Variants in CTCFL observed in about 807,000 individuals in gnomAD.
CTCFL encodes CCCTC-binding factor like.
Under a neutral mutation model 67.4 loss-of-function variants are expected in CTCFL, and 36 were observed. The observed-to-expected ratio is 0.53, with a 90% CI of 0.41 to 0.71. The LOEUF is 0.71. Ranked by LOEUF, CTCFL falls within the 30% of genes least tolerant of loss-of-function variation. The probability of loss-of-function intolerance (pLI) is 0.00; values close to 1 mark genes in which losing one functional copy is unlikely to be tolerated. For synonymous variants in CTCFL, 324 were observed against 302.3 expected, an observed-to-expected ratio of 1.07 and a Z score of -0.75; for missense variants, 786 against 835.2, an observed-to-expected ratio of 0.94 and a Z score of 0.73.
chr20:57,514,812 T>C, intron 6 of CTCFL, 71 bp from the exon 7 acceptor site: 1 of 1,432,238 alleles, frequency 7.0e-7, no homozygotes, highest in Non-Finnish European at 9.2e-7. Flanking sequence ...GTGCTGAAAG[T>C]GTTTTTTTTT....
chr20:57,500,265 G>C, intron 10 of CTCFL: 2 of 949,986 alleles, frequency 2.1e-6, no homozygotes, highest in Non-Finnish European at 1.4e-6. Flanking sequence ...AGGAGTGAGA[G>C]ACATGGTAAA....
At chr20:57,505,211 T>A (rs915226614) in intron 9 of CTCFL, among the ~76,000 whole-genome samples, 1 of 149,082 alleles carries the variant, frequency 6.7e-6, no homozygotes, top group East Asian at 1.9e-4. Flanking sequence ...GCTTTAAGTA[T>A]TTTTTTTTAA....
At position 57,524,005 on chromosome 20, in the gene CTCFL, C is replaced by A; in HGVS notation, c.201G>T (p.Leu67=). The change falls in exon 2 of 11, where the codon CTG becomes CTT. Residue 67 remains leucine, a synonymous_variant. Coordinates refer to ENST00000243914, the MANE Select transcript of CTCFL (RefSeq NM_001386993.1). ...CGCTCTCCTCCGAGGGGGCCAGCAC[C>A]AGCTCCACTTCTTCCTCCAGGACGC... ...QDSVLEEEVE[L]VLAPSEESEK... 8 of 1,613,264 alleles carry A rather than the reference C, an allele frequency of 5.0e-6. No individual in the cohort carries two copies. The highest frequency in any genetic ancestry group is 5.9e-6 in the Non-Finnish European group (7 of 1,179,986).
chr20:57,524,703 G>T, intron 1 of CTCFL: 1 of 997,204 alleles, frequency 1.0e-6, no homozygotes, highest in Non-Finnish European at 1.2e-6. Flanking sequence ...GCGAGGTTCG[G>T]GCCCGAGCAG....
rs915943311 is a variant in CTCFL at position 57,506,747 on chromosome 20, C to T, written c.1674+1859G>A. 14 of 975,778 alleles carry T rather than the reference C, an allele frequency of 1.4e-5. No homozygotes were observed. The Admixed American group carries it at 6.2e-4, about 43-fold the overall frequency. The allele number at this position is 975,778 out of a possible 1,614,324, so 60.4% of individuals were successfully genotyped here. Reference sequence around the variant, plus strand: ...GTTCTGAGGGACTGCATGAGGCAGACTTGTTCTTTTCTCTACATTTTTATT... The same window carrying T: ...GTTCTGAGGGACTGCATGAGGCAGATTTGTTCTTTTCTCTACATTTTTATT... On this transcript the variant is annotated intron_variant, in intron 9 of 10. Coordinates refer to ENST00000243914, the MANE Select transcript of CTCFL (RefSeq NM_001386993.1).
intron 2 of CTCFL, 102 bp downstream of exon 2, chr20:57,523,561 T>C: frequency 3.4e-6 from 5 of 1,473,954 alleles, no homozygotes; most frequent in Non-Finnish European, 4.5e-6. Flanking sequence ...CTGTCTTTAA[T>C]TTGCAACTGC....
chr20:57,514,882 G>A, intron 6 of CTCFL, 141 bp from the exon 7 acceptor site: 1 of 814,108 alleles, frequency 1.2e-6, no homozygotes, highest in East Asian at 2.6e-5. Context: ...ATTAGTATGA[G>A]ACTCCCAAAT....
At chr20:57,512,566 T>G (rs370788160) in intron 8 of CTCFL, 26 bp downstream of exon 8, 2 of 1,608,900 alleles carry the variant, frequency 1.2e-6, no homozygotes, top group African/African-American at 2.7e-5. Context: ...CACCACTGCC[T>G]CTCCAAATTA....
chr20:57,506,954 CACT>C (rs2068238384), intron 9 of CTCFL: 1 of 984,644 alleles, frequency 1.0e-6, no homozygotes, highest in African/African-American at 1.7e-5. Flanking sequence ...AACACAACTA[CACT>C]ACTGTTTTAA....
rs913210095 is a variant in CTCFL at position 57,514,598 on chromosome 20, C to T, written c.1324G>A (p.Asp442Asn). Residue 442 changes from aspartate to asparagine, a missense_variant, in exon 7 of 11, where the codon GAC (aspartate) becomes AAC (asparagine). By Grantham distance (23) the Asp-to-Asn change is conservative. Transcript: ENST00000243914. Reference protein sequence around the residue: ...HCATIIARKSDLRVHMRNLHA... With the variant: ...HCATIIARKSNLRVHMRNLHA... The stretch of plus-strand genomic sequence containing the variant: ...AGATCGCTAAACCACTCACGTAGGT[C>T]GCTTTTCCGTGCAATGATGGTGGCA... The T allele has an allele frequency of 6.2e-7, 1 of 1,614,056 alleles. No individual in the cohort carries two copies. The highest frequency in any genetic ancestry group is 8.5e-7 in the Non-Finnish European group (1 of 1,179,954).
downstream of CTCFL, chr20:57,496,263 C>T (rs1031642176): frequency 1.5e-5 from 10 of 686,498 alleles, no homozygotes; most frequent in Non-Finnish European, 1.9e-5. Flanking sequence ...CCATGTGACG[C>T]GCCTACTCCC....
intron 2 of CTCFL, 57 bp from the exon 3 acceptor site, chr20:57,523,335 T>G: frequency 6.7e-7 from 1 of 1,493,470 alleles, no homozygotes. Context: ...AATTAGACTT[T>G]TGCCTGGATG....
intron 9 of CTCFL, chr20:57,507,023 TTTTA>T (rs1270905363): frequency 2.6e-5 from 26 of 985,410 alleles, no homozygotes; most frequent in Non-Finnish European, 2.7e-5. Context: ...TTTATAAAAC[TTTTA>T]TAAAGTTAGG....
chr20:57,510,631 A>G (rs1242908429), intron 8 of CTCFL, among the ~76,000 whole-genome samples: 5 of 152,206 alleles, frequency 3.3e-5, no homozygotes, highest in Non-Finnish European at 5.9e-5. Flanking sequence ...TGGGAGGCCG[A>G]GGCGGGCAGA....
intron 3 of CTCFL, among the ~76,000 whole-genome samples, chr20:57,520,558 A>G (rs1309802769): frequency 6.6e-6 from 1 of 152,234 alleles, no homozygotes; most frequent in Admixed American, 6.5e-5. Flanking sequence ...CTCAGTAAAA[A>G]AGAGAGCTTG....
chr20:57,524,637 G>A, intron 1 of CTCFL: 1 of 1,007,240 alleles, frequency 9.9e-7, no homozygotes, highest in Non-Finnish European at 1.2e-6. Context: ...GCATATCCTG[G>A]GCCTAGCAAG....
rs192655640 is a variant in CTCFL at position 57,518,702 on chromosome 20, T to C, written c.1059+56A>G. ...ACTGTTAGTTACACTTGGAGTAACTTGTACAGCAGCCTCTACTAAGATGCC... is the reference window on the plus strand; with the variant it reads ...ACTGTTAGTTACACTTGGAGTAACTCGTACAGCAGCCTCTACTAAGATGCC... On this transcript the variant is annotated intron_variant, in intron 5 of 10. Coordinates refer to ENST00000243914, the MANE Select transcript of CTCFL (RefSeq NM_001386993.1). 2.9e-4 allele frequency: 472 copies of C among 1,613,716 alleles called. 3 individuals are homozygous for C. In the East Asian group the frequency reaches 6.2e-3, roughly 21 times the overall value.
intron 8 of CTCFL, among the ~76,000 whole-genome samples, chr20:57,512,140 A>G (rs1158948536): frequency 1.3e-5 from 2 of 152,220 alleles, no homozygotes; most frequent in African/African-American, 4.8e-5. Context: ...AAGACTGAAT[A>G]AAGTTAACAA....
chr20:57,505,342 G>A (rs989346435), intron 9 of CTCFL, among the ~76,000 whole-genome samples: 10 of 151,566 alleles, frequency 6.6e-5, no homozygotes, highest in African/African-American at 2.2e-4. Context: ...TGCAAGCTCC[G>A]CCTCCCGGGT....
Sources: allele counts gnomAD v4.1 joint callset (sites outside exome capture counted in the v4.1 genomes callset), GRCh38; gene constraint gnomAD v4.1.1; transcripts MANE v1.5; gene names NCBI Gene and HGNC (gene_info 2026-07-23, HGNC 2026-07-21).